TBCA: variants seen among roughly 807,000 people sequenced by gnomAD.
TBCA encodes the protein tubulin folding cofactor A.
Under a neutral mutation model 15.8 loss-of-function variants are expected in TBCA, and 6 were observed. The observed-to-expected ratio is 0.38, with a 90% CI of 0.21 to 0.75. The LOEUF (loss-of-function observed/expected upper bound fraction) is 0.75, where lower values mean the gene tolerates loss of function less well. Ranked by LOEUF, TBCA falls within the 30% of genes least tolerant of loss-of-function variation. TBCA has a pLI of 0.46. For missense variants in TBCA, 90 were observed against 131.2 expected (o/e 0.69, Z 1.53); for synonymous variants, 32 against 42.3 (o/e 0.76, Z 0.94).
chr5:77,717,590 G>A (rs1420114520), intron 1 of TBCA, among the ~76,000 whole-genome samples: 1 of 152,134 alleles, frequency 6.6e-6, no homozygotes, highest in East Asian at 1.9e-4. Context: ...AGCACTTTGG[G>A]AGGCCAAGGT....
At chr5:77,755,612 AT>A (rs1747455784) in intron 1 of TBCA, among the ~76,000 whole-genome samples, 1 of 152,084 alleles carries the variant, frequency 6.6e-6, no homozygotes, top group African/African-American at 2.4e-5. Flanking sequence ...AATAAATAAA[AT>A]GTGCACAAGA....
intron 1 of TBCA, among the ~76,000 whole-genome samples, chr5:77,726,068 T>C (rs140880779): frequency 1.2e-4 from 19 of 152,352 alleles, no homozygotes; most frequent in Admixed American, 3.3e-4. Context: ...TCTAATACTG[T>C]ATTTTTGAGC....
At chr5:77,702,560 C>T (rs1162324652) in intron 2 of TBCA, among the ~76,000 whole-genome samples, 2 of 152,156 alleles carry the variant, frequency 1.3e-5, no homozygotes, top group Admixed American at 1.3e-4. Flanking sequence ...TGGAACAGTT[C>T]TCCATCTTGA....
intron 1 of TBCA, among the ~76,000 whole-genome samples, chr5:77,767,574 G>C (rs1049234336): frequency 6.6e-6 from 1 of 152,124 alleles, no homozygotes; most frequent in East Asian, 1.9e-4. Context: ...CTGGGGCTTG[G>C]GGGTAGGGAA....
intron 2 of TBCA, among the ~76,000 whole-genome samples, chr5:77,698,280 C>T (rs972916985): frequency 6.6e-6 from 1 of 151,388 alleles, no homozygotes; most frequent in Non-Finnish European, 1.5e-5. Context: ...ACGGATCCTG[C>T]AATTATTAAA....
chr5:77,702,214 T>G (rs945891697), intron 2 of TBCA, among the ~76,000 whole-genome samples: 1 of 152,116 alleles, frequency 6.6e-6, no homozygotes, highest in Non-Finnish European at 1.5e-5. Flanking sequence ...AAAACCTATG[T>G]TCACATCAAA....
intron 1 of TBCA, among the ~76,000 whole-genome samples, chr5:77,736,589 CA>C (rs1044796244): frequency 2.0e-5 from 3 of 152,158 alleles, no homozygotes; most frequent in African/African-American, 7.2e-5. Context: ...CGATGCCCCC[CA>C]AATATATCCT....
chr5:77,715,426 A>G, intron 1 of TBCA: 3 of 583,384 alleles, frequency 5.1e-6, no homozygotes, highest in Non-Finnish European at 9.1e-6. Flanking sequence ...TTTAAGAAGG[A>G]TAGAATAGAT....
At chr5:77,715,360 C>T (rs1200785431) in intron 1 of TBCA, 3 of 685,630 alleles carry the variant, frequency 4.4e-6, no homozygotes, top group East Asian at 5.4e-5. Context: ...GTGCTATAGG[C>T]CTGAAAAACA....
At chr5:77,756,882 C>T (rs922520532) in intron 1 of TBCA, among the ~76,000 whole-genome samples, 12 of 150,778 alleles carry the variant, frequency 8.0e-5, no homozygotes, top group African/African-American at 2.9e-4. Flanking sequence ...GTGAATGCAC[C>T]TTTGTTGTGA....
chr5:77,774,288 GT>G (rs1390009959), intron 1 of TBCA, among the ~76,000 whole-genome samples: 1 of 152,186 alleles, frequency 6.6e-6, no homozygotes, highest in African/African-American at 2.4e-5. Flanking sequence ...CTGCAAAGAT[GT>G]CTCTTAAGGG....
In TBCA at chr5:77,733,949, T is replaced by C. The variant is rs577387160; in HGVS notation, c.54-25602A>G. ...TACTTTAAGTTGAAGCCAATGCTCATTTACCATTCCAAAAATTCTAGGGCC... is the reference window on the plus strand; with the variant it reads ...TACTTTAAGTTGAAGCCAATGCTCACTTACCATTCCAAAAATTCTAGGGCC... On this transcript the variant is annotated intron_variant, in intron 1 of 3. Coordinates refer to ENST00000380377, the MANE Select transcript of TBCA (RefSeq NM_004607.3). Among the ~76,000 whole-genome samples, 8 of 152,328 alleles carry C rather than the reference T, an allele frequency of 5.3e-5. No individual in the cohort carries two copies. The South Asian group carries it at 1.7e-3, about 32-fold the overall frequency.
At chr5:77,698,488 C>T (rs1446992814) in intron 2 of TBCA, among the ~76,000 whole-genome samples, 1 of 152,128 alleles carries the variant, frequency 6.6e-6, no homozygotes, top group Non-Finnish European at 1.5e-5. Context: ...TACTTTTTCT[C>T]CAATGTTCTG....
intron 3 of TBCA, chr5:77,692,696 A>T: frequency 1.0e-6 from 1 of 987,068 alleles, no homozygotes; most frequent in Non-Finnish European, 1.2e-6. Flanking sequence ...CCTGTCTTAG[A>T]TAGTATTTTA....
intron 1 of TBCA, among the ~76,000 whole-genome samples, chr5:77,733,551 A>G (rs1746825194): frequency 6.6e-6 from 1 of 152,254 alleles, no homozygotes; most frequent in African/African-American, 2.4e-5. Flanking sequence ...CTGAATCCAG[A>G]GCGAGGCCTT....
At chr5:77,731,608 C>G (rs1468745465) in intron 1 of TBCA, among the ~76,000 whole-genome samples, 1 of 152,134 alleles carries the variant, frequency 6.6e-6, no homozygotes, top group Non-Finnish European at 1.5e-5. Flanking sequence ...TAAGAGCTCT[C>G]TCTATATTCC....
At chr5:77,691,574 A>C in intron 3 of TBCA, 76 bp from the exon 4 acceptor site, 1 of 1,468,546 alleles carries the variant, frequency 6.8e-7, no homozygotes, top group East Asian at 2.5e-5. Context: ...AAATATTACA[A>C]ACCATTAATG....
intron 1 of TBCA, among the ~76,000 whole-genome samples, chr5:77,747,230 G>C (rs1747206396): frequency 1.3e-5 from 2 of 151,628 alleles, no homozygotes; most frequent in Non-Finnish European, 2.9e-5. Flanking sequence ...AAAAATCTGG[G>C]AAAATTCTGG....
intron 1 of TBCA, among the ~76,000 whole-genome samples, chr5:77,756,743 AG>A (rs1280636948): frequency 6.6e-6 from 1 of 152,154 alleles, no homozygotes; most frequent in African/African-American, 2.4e-5. Context: ...TTCACTGTAC[AG>A]GGTAGTCTCT....
Sources: gnomAD v4.1 joint callset for allele counts (sites outside exome capture counted in the v4.1 genomes callset) on GRCh38, gnomAD v4.1.1 for gene constraint, MANE v1.5 for transcripts, NCBI Gene and HGNC (gene_info 2026-07-23, HGNC 2026-07-21) for gene names.